The following MIPOL1 variants were observed in gnomAD, a reference collection of about 807,000 sequenced individuals.
MIPOL1 encodes mirror-image polydactyly 1.
MIPOL1 carries 57 observed loss-of-function variants against 60.9 expected under a neutral mutation model. The observed-to-expected ratio is 0.94, with a 90% confidence interval of 0.76 to 1.17. MIPOL1 has a LOEUF of 1.17. MIPOL1 is among the 50% of genes most tolerant of loss of function. The probability of loss-of-function intolerance (pLI) is 0.00; values close to 1 mark genes in which losing one functional copy is unlikely to be tolerated. For synonymous variants in MIPOL1, 179 were observed against 168.8 expected (o/e 1.06, Z -0.47); for missense variants, 551 against 511.6 (o/e 1.08, Z -0.74).
At chr14:37,210,813 A>G (rs1966781868) in intron 1 of MIPOL1, among the ~76,000 whole-genome samples, 1 of 152,206 alleles carries the variant, frequency 6.6e-6, no homozygotes, top group South Asian at 2.1e-4. Flanking sequence ...TTATCATTTG[A>G]CTACAGCTAC....
rs115283088 is a variant in MIPOL1 at position 37,424,646 on chromosome 14, G to A, written c.1031+1697G>A. ...TTGGAAACTAATGCAGTTATCAAAC[G>A]TCAAGTATGTTTGGTTGGTCACTGA... On this transcript the variant is annotated intron_variant, in intron 11 of 12. Transcript: ENST00000684589. Among the ~76,000 whole-genome samples the A allele has an allele frequency of 4.7e-3, 712 of 152,308 alleles. 4 individuals carry two copies. Among genetic ancestry groups the A allele is most frequent in the African/African-American group, 0.015 (631 of 41,562 alleles).
At chr14:37,236,337 TA>T (rs1184847674) in intron 1 of MIPOL1, among the ~76,000 whole-genome samples, 1 of 152,232 alleles carries the variant, frequency 6.6e-6, no homozygotes, top group Non-Finnish European at 1.5e-5. Flanking sequence ...ATGTGTGTAT[TA>T]GCCATTTGTA....
intron 11 of MIPOL1, among the ~76,000 whole-genome samples, chr14:37,472,699 A>G (rs1451698359): frequency 6.6e-6 from 1 of 152,080 alleles, no homozygotes; most frequent in South Asian, 2.1e-4. Context: ...TCAACATCCT[A>G]TTGTACAATT....
At chr14:37,233,250 A>T (rs1297370816) in intron 1 of MIPOL1, among the ~76,000 whole-genome samples, 6 of 152,296 alleles carry the variant, frequency 3.9e-5, no homozygotes, top group Non-Finnish European at 5.9e-5. Flanking sequence ...GGTTAGGTTA[A>T]CATCAGGTAC....
At chr14:37,382,866 A>G (rs2092962121) in intron 10 of MIPOL1, among the ~76,000 whole-genome samples, 1 of 151,942 alleles carries the variant, frequency 6.6e-6, no homozygotes, top group African/African-American at 2.4e-5. Flanking sequence ...ACTCTTGCCT[A>G]CTGACTCATA....
chr14:37,305,427 A>C (rs2086700188), intron 7 of MIPOL1, among the ~76,000 whole-genome samples: 1 of 151,818 alleles, frequency 6.6e-6, no homozygotes, highest in Non-Finnish European at 1.5e-5. Flanking sequence ...GGATACAACT[A>C]CACTTGATCA....
At chr14:37,308,601 C>T in intron 9 of MIPOL1, 82 bp downstream of exon 9, 1 of 1,021,078 alleles carries the variant, frequency 9.8e-7, no homozygotes, top group Non-Finnish European at 1.3e-6. Flanking sequence ...GACTTTGGCC[C>T]AGATATTCTT....
chr14:37,305,000 T>G (rs1388723745), intron 7 of MIPOL1, among the ~76,000 whole-genome samples: 4 of 151,828 alleles, frequency 2.6e-5, no homozygotes, highest in Non-Finnish European at 5.9e-5. Flanking sequence ...TTTTAAGTCT[T>G]TATTTAAATC....
intron 9 of MIPOL1, among the ~76,000 whole-genome samples, chr14:37,353,986 T>A (rs1009564186): frequency 3.3e-5 from 5 of 152,124 alleles, no homozygotes; most frequent in African/African-American, 7.2e-5. Context: ...CTGGTTTTTT[T>A]AATTGTGATG....
chr14:37,316,011 T>A (rs77102705), intron 9 of MIPOL1, among the ~76,000 whole-genome samples: 1,860 of 131,616 alleles, frequency 0.014, 14 homozygotes, highest in Middle Eastern at 0.034. Context: ...AAATTGTTTC[T>A]GTTTATTTAT....
chr14:37,407,318 T>A (rs1211899249), intron 10 of MIPOL1, among the ~76,000 whole-genome samples: 1 of 152,168 alleles, frequency 6.6e-6, no homozygotes, highest in Non-Finnish European at 1.5e-5. Context: ...GACCTTTCTA[T>A]ATAACTTTAA....
At chr14:37,429,757 T>C (rs1443607858) in intron 11 of MIPOL1, among the ~76,000 whole-genome samples, 2 of 152,264 alleles carry the variant, frequency 1.3e-5, no homozygotes, top group Non-Finnish European at 2.9e-5. Flanking sequence ...TTTCTCTTTG[T>C]GTACTTTTTT....
At chr14:37,198,660 A>T (rs1187351309) in intron 1 of MIPOL1, among the ~76,000 whole-genome samples, 2 of 152,058 alleles carry the variant, frequency 1.3e-5, no homozygotes. Context: ...CTATGGATGG[A>T]GGGAACAAGA....
intron 7 of MIPOL1, among the ~76,000 whole-genome samples, chr14:37,297,449 G>A (rs910660820): frequency 1.2e-4 from 19 of 152,116 alleles, no homozygotes; most frequent in African/African-American, 4.1e-4. Context: ...TGGAAGTTCT[G>A]GCCAGGGCAA....
At chr14:37,312,576 T>C (rs958322525) in intron 9 of MIPOL1, among the ~76,000 whole-genome samples, 10 of 152,186 alleles carry the variant, frequency 6.6e-5, no homozygotes, top group African/African-American at 2.4e-4. Flanking sequence ...TCAAATCAAG[T>C]CAAAATCATT....
At chr14:37,297,429 A>G (rs1424718404) in intron 7 of MIPOL1, among the ~76,000 whole-genome samples, 1 of 152,160 alleles carries the variant, frequency 6.6e-6, no homozygotes, top group Non-Finnish European at 1.5e-5. Context: ...ACTCCTATTC[A>G]ACATAGTGTT....
chr14:37,220,913 A>G (rs889302528), intron 1 of MIPOL1, among the ~76,000 whole-genome samples: 2 of 152,122 alleles, frequency 1.3e-5, no homozygotes, highest in African/African-American at 4.8e-5. Context: ...GTAGCTAGGA[A>G]TACAGGTGTG....
At chr14:37,443,457 C>CAAAAAA in intron 11 of MIPOL1, among the ~76,000 whole-genome samples, 1 of 45,460 alleles carries the variant, frequency 2.2e-5, no homozygotes, top group Non-Finnish European at 4.1e-5. Context: ...ACTATCTCAC[C>CAAAAAA]AAAAAAAAAA....
chr14:37,360,868 A>G (rs2092191254), intron 9 of MIPOL1, among the ~76,000 whole-genome samples: 1 of 151,976 alleles, frequency 6.6e-6, no homozygotes, highest in East Asian at 1.9e-4. Context: ...TAGCTTTTGA[A>G]TGTGTTTGCT....
Sources: gnomAD v4.1 joint callset for allele counts (sites outside exome capture counted in the v4.1 genomes callset) on GRCh38, gnomAD v4.1.1 for gene constraint, MANE v1.5 for transcripts, NCBI Gene and HGNC (gene_info 2026-07-23, HGNC 2026-07-21) for gene names.